PTPRD: variants seen among roughly 807,000 people sequenced by gnomAD.
PTPRD encodes the protein receptor-type tyrosine-protein phosphatase delta.
In PTPRD, 34 loss-of-function variants were observed where a neutral mutation model predicts 214.5. That is an observed-to-expected ratio of 0.16 (90% CI 0.12 to 0.21). The LOEUF is 0.21. Ranked by LOEUF, PTPRD falls within the 10% of genes least tolerant of loss-of-function variation. PTPRD has a pLI of 1.00. For synonymous variants in PTPRD, 1,128 were observed against 845.7 expected (o/e 1.33, Z -5.79); for missense variants, 2,545 against 2,398.7 (o/e 1.06, Z -1.27).
At chr9:10,503,972 C>G (rs148810192) in intron 2 of PTPRD, among the ~76,000 whole-genome samples, 7 of 150,828 alleles carry the variant, frequency 4.6e-5, no homozygotes, top group African/African-American at 1.7e-4. Context: ...AAAAATTAGC[C>G]GGGCGTGGTG....
intron 2 of PTPRD, among the ~76,000 whole-genome samples, chr9:10,569,353 T>C (rs1351481826): frequency 3.3e-5 from 5 of 152,128 alleles, no homozygotes; most frequent in African/African-American, 1.2e-4. Flanking sequence ...TTTTAAAACC[T>C]ACACCAGTAT....
rs76718220 is a variant in PTPRD, at chr9:10,201,350, A to T, written c.-545+139613T>A. On this transcript the variant is annotated intron_variant, in intron 3 of 45. Coordinates refer to ENST00000381196, the MANE Select transcript of PTPRD (RefSeq NM_002839.4). The stretch of plus-strand genomic sequence containing the variant: ...TATAATGATAAAAAGGTGGTTTTCA[A>T]AATTTGAAAAAAATCTATCCAAATG... Among the ~76,000 whole-genome samples, 335 of 152,016 alleles carry T rather than the reference A, an allele frequency of 2.2e-3. 1 individual carries two copies. Among genetic ancestry groups the T allele is most frequent in the Non-Finnish European group, 3.9e-3 (265 of 67,938 alleles).
intron 14 of PTPRD, among the ~76,000 whole-genome samples, chr9:8,576,562 A>T (rs938971733): frequency 6.6e-6 from 1 of 150,826 alleles, no homozygotes; most frequent in Non-Finnish European, 1.5e-5. Context: ...TTTTGTGTGC[A>T]TATATACACC....
At chr9:9,899,735 G>A (rs898463172) in intron 5 of PTPRD, among the ~76,000 whole-genome samples, 1 of 151,946 alleles carries the variant, frequency 6.6e-6, no homozygotes, top group Non-Finnish European at 1.5e-5. Flanking sequence ...GTATGTGGAA[G>A]AGATATCTGC....
chr9:8,879,147 T>G (rs2098420688), intron 11 of PTPRD, among the ~76,000 whole-genome samples: 1 of 152,212 alleles, frequency 6.6e-6, no homozygotes, highest in South Asian at 2.1e-4. Flanking sequence ...CCCAAGTATC[T>G]ATAGGCGTAT....
chr9:8,326,510 G>C (rs1484278039), intron 44 of PTPRD, among the ~76,000 whole-genome samples: 1 of 151,300 alleles, frequency 6.6e-6, no homozygotes, highest in Non-Finnish European at 1.5e-5. Flanking sequence ...ATGTTCATCA[G>C]GGATATTGGC....
At chr9:8,947,245 T>G (rs2099071253) in intron 11 of PTPRD, among the ~76,000 whole-genome samples, 1 of 151,544 alleles carries the variant, frequency 6.6e-6, no homozygotes, top group Non-Finnish European at 1.5e-5. Context: ...GGGTGGATCA[T>G]GAGGTCAGGA....
chr9:10,503,996 G>C (rs866244), intron 2 of PTPRD, among the ~76,000 whole-genome samples: 1 of 150,540 alleles, frequency 6.6e-6, no homozygotes, highest in South Asian at 2.1e-4. Context: ...GGCGCCTGTA[G>C]TCCCAGCTAC....
At chr9:9,465,343 A>C (rs907845063) in intron 8 of PTPRD, among the ~76,000 whole-genome samples, 1 of 152,252 alleles carries the variant, frequency 6.6e-6, no homozygotes, top group South Asian at 2.1e-4. Context: ...TGGAAAATGT[A>C]TAATGAATTT....
At chr9:8,745,108 T>C (rs2092641820) in intron 11 of PTPRD, among the ~76,000 whole-genome samples, 1 of 152,120 alleles carries the variant, frequency 6.6e-6, no homozygotes. Flanking sequence ...CCTCCTTCAA[T>C]GAAACCACAG....
At chr9:10,605,505 T>C (rs1301335866) in intron 2 of PTPRD, among the ~76,000 whole-genome samples, 1 of 151,696 alleles carries the variant, frequency 6.6e-6, no homozygotes, top group African/African-American at 2.4e-5. Context: ...AGTGAGAAGA[T>C]GATGAAGGGT....
intron 11 of PTPRD, among the ~76,000 whole-genome samples, chr9:8,939,855 A>G (rs2099020421): frequency 6.6e-6 from 1 of 152,102 alleles, no homozygotes; most frequent in Non-Finnish European, 1.5e-5. Flanking sequence ...TAGTTTTCTT[A>G]AACTCTTTAT....
At chr9:8,561,889 T>C (rs1353871086) in intron 14 of PTPRD, among the ~76,000 whole-genome samples, 2 of 152,036 alleles carry the variant, frequency 1.3e-5, no homozygotes, top group Non-Finnish European at 2.9e-5. Context: ...GTTAGATGCT[T>C]TGCAAAACTA....
chr9:8,654,960 G>A (rs1161847921), intron 12 of PTPRD, among the ~76,000 whole-genome samples: 1 of 151,886 alleles, frequency 6.6e-6, no homozygotes, highest in Admixed American at 6.6e-5. Flanking sequence ...TAGCAAGATT[G>A]TTTTTTTCAT....
chr9:10,109,686 C>A (rs530815575), intron 3 of PTPRD, among the ~76,000 whole-genome samples: 63 of 152,246 alleles, frequency 4.1e-4, no homozygotes, highest in Non-Finnish European at 6.0e-4. Flanking sequence ...TGGTACCTGA[C>A]AACGGGTTGA....
chr9:9,783,589 T>A (rs2154491859), intron 5 of PTPRD, among the ~76,000 whole-genome samples: 1 of 152,200 alleles, frequency 6.6e-6, no homozygotes, highest in East Asian at 1.9e-4. Context: ...TTTATCAAAC[T>A]GATAATACAG....
chr9:9,493,522 C>T lies in PTPRD; in HGVS notation c.-237+81210G>A, dbSNP rs141029827. ...TACATTTTGTGTCCGGGTAGGGTGG[C>T]TCATGCCTGTAATCCTAGCACTTTG... On this transcript the variant is annotated intron_variant, in intron 8 of 45. Coordinates refer to ENST00000381196, the MANE Select transcript of PTPRD (RefSeq NM_002839.4). 5.1e-4 allele frequency among the ~76,000 whole-genome samples: 78 copies of T among 152,188 alleles called. 3 individuals are homozygous for T. The East Asian group carries it at 0.015, about 29-fold the overall frequency.
chr9:10,340,922 A>G (rs2096927838), intron 3 of PTPRD, 41 bp downstream of exon 3: 1 of 151,946 alleles, frequency 6.6e-6, no homozygotes, highest in South Asian at 2.1e-4. Flanking sequence ...GATAGAATTC[A>G]GTTTCTTATT....
intron 11 of PTPRD, among the ~76,000 whole-genome samples, chr9:8,976,871 GT>G (rs909764549): frequency 1.3e-5 from 2 of 152,044 alleles, no homozygotes; most frequent in African/African-American, 4.8e-5. Context: ...AAAAGATGCT[GT>G]TTTTTCTACG....
Sources: allele counts gnomAD v4.1 joint callset (sites outside exome capture counted in the v4.1 genomes callset), GRCh38; gene constraint gnomAD v4.1.1; transcripts MANE v1.5; gene names NCBI Gene and HGNC (gene_info 2026-07-23, HGNC 2026-07-21).